Variants in FBN3 observed in about 807,000 individuals in gnomAD.
The protein encoded by FBN3 is fibrillin-3.
FBN3 carries 234 observed loss-of-function variants against 330.1 expected under a neutral mutation model. The ratio of observed to expected loss-of-function variants is 0.71; its 90% confidence interval spans 0.64 to 0.79. The LOEUF (loss-of-function observed/expected upper bound fraction) is 0.79. FBN3 is among the 30% of genes least tolerant of loss of function. The pLI is 0.00. For synonymous variants in FBN3, 1,458 were observed against 1,517.3 expected, an observed-to-expected ratio of 0.96 and a Z score of 0.91; for missense variants, 3,606 against 3,886.9, an observed-to-expected ratio of 0.93 and a Z score of 1.92.
rs981072324 is a variant in FBN3 at position 8,117,712 on chromosome 19, G to A, written c.3338-123C>T. 31 of 1,134,448 alleles carry A rather than the reference G, an allele frequency of 2.7e-5. No individual in the cohort carries two copies. The Middle Eastern group carries it at 6.5e-4, about 24-fold the overall frequency. 70.3% of individuals were successfully genotyped at this position (1,134,448 alleles called of 1,614,324 possible). A position where few individuals can be genotyped will look rare whatever the true frequency, so the allele number is the denominator to read the frequency against. ...ACACTGCCAGCATTGGCACAGCCCC[G>A]CATGTGCCTATCCGTACACTTGCAT... On this transcript the variant is annotated intron_variant, in intron 26 of 63. Transcript: ENST00000600128.
In FBN3 at chr19:8,096,846, C is replaced by T; in HGVS notation, c.5413+35G>A. On this transcript the variant is annotated intron_variant, in intron 43 of 63. Coordinates refer to ENST00000600128, the MANE Select transcript of FBN3 (RefSeq NM_032447.5). This position sits in a 1 kb window ranked among gnomAD's most constrained non-coding sequence, Gnocchi z 4.6. ...CTAAGTCCCCATGGGTGACAGAGCC[C>T]AGCTCCCTCACCTCCTCCCAGGGAC... 2 of 1,606,992 alleles carry T rather than the reference C, an allele frequency of 1.2e-6. No individual in the cohort carries two copies. The highest frequency in any genetic ancestry group is 1.7e-6 in the Non-Finnish European group (2 of 1,178,220).
chr19:8,126,123 G>T, intron 21 of FBN3, 106 bp from the exon 22 acceptor site: 1 of 1,519,522 alleles, frequency 6.6e-7, no homozygotes, highest in East Asian at 2.3e-5. Context: ...GAAGGGGACG[G>T]GGACACGGGG....
chr19:8,146,143 G>C lies in FBN3; in HGVS notation c.333C>G (p.Ser111Arg). ...CTCADGTLAPSCGVSRGSGCS... is the reference protein window; with the variant it reads ...CTCADGTLAPRCGVSRGSGCS... ...CCCGCTCACCTCGGCTCACCCCGCA[G>C]CTGGGAGCCAGCGTCCCATCCGCAC... Residue 111 changes from serine (S) to arginine (R), a missense_variant, in exon 4 of 64, where the codon AGC becomes AGG. Ser to Arg is a moderately radical substitution (Grantham distance 110). Transcript: ENST00000600128. 1 of 1,597,986 alleles carries C rather than the reference G, an allele frequency of 6.3e-7. No homozygotes were observed.
intron 33 of FBN3, 34 bp from the exon 34 acceptor site, chr19:8,111,001 G>A (rs2082567617): frequency 1.2e-6 from 2 of 1,614,022 alleles, no homozygotes; most frequent in African/African-American, 2.7e-5. Context: ...GCCCCACCCA[G>A]AGTCTGCAGG....
intron 13 of FBN3, among the ~76,000 whole-genome samples, chr19:8,133,445 A>G (rs544951473): frequency 3.3e-5 from 5 of 151,854 alleles, no homozygotes; most frequent in Non-Finnish European, 7.4e-5. Flanking sequence ...ATATTTTTTA[A>G]AAGACAACAA....
rs756551000 is a variant in FBN3, at chr19:8,073,269, G to A, written c.7731C>T (p.Pro2577=). 15 of 1,613,868 alleles carry A rather than the reference G, an allele frequency of 9.3e-6. No homozygotes were observed. In the South Asian group the frequency reaches 1.5e-4, roughly 17 times the overall value. The part of the protein sequence containing the change: ...VDENECALSP[P]TCGSASCRNT... ...TGCGACAGGAGGCGCTCCCGCAGGT[G>A]GGGGGCGACAGGGCACACTCATTCT... The change falls in exon 62 of 64, where the codon CCC becomes CCT. Residue 2577 remains proline (P), a synonymous_variant. Coordinates refer to ENST00000600128, the MANE Select transcript of FBN3 (RefSeq NM_032447.5).
In FBN3 at chr19:8,146,165, G is replaced by T. The variant is rs758566291; in HGVS notation, c.311C>A (p.Ala104Glu). ...FCSQPNLCTC[A>E]DGTLAPSCGV... ...GCAGCTGGGAGCCAGCGTCCCATCCGCACAGGTGCACAGGTTGGGCTGGGA... is the reference window on the plus strand; with the variant it reads ...GCAGCTGGGAGCCAGCGTCCCATCCTCACAGGTGCACAGGTTGGGCTGGGA... The change falls in exon 4 of 64, where the codon GCG (alanine) becomes GAG (glutamate). Residue 104 changes from alanine to glutamate, a missense_variant. Coordinates refer to ENST00000600128, the MANE Select transcript of FBN3 (RefSeq NM_032447.5). 9 of 1,602,416 alleles carry T rather than the reference G, an allele frequency of 5.6e-6. No individual in the cohort carries two copies. The highest frequency in any genetic ancestry group is 7.7e-6 in the Non-Finnish European group (9 of 1,175,888).
In FBN3 at chr19:8,110,845, CT is replaced by C; in HGVS notation, c.4332del (p.Asp1445ThrfsTer9). Reference sequence around the variant, plus strand: ...CCTTCCAGCCCAGATGACCTCACACCTGTGCAGTTGCCACCCCCTCGGTCCA... The same window carrying C: ...CCTTCCAGCCCAGATGACCTCACACCGTGCAGTTGCCACCCCCTCGGTCCA... ...YELDRGGGNCTDINECADPVN... is the reference protein window; with the variant it reads ...YELDRGGGNCXDINECADPVN... On this transcript the variant is annotated frameshift_variant and splice_region_variant, in exon 34 of 64. Coordinates refer to ENST00000600128, the MANE Select transcript of FBN3 (RefSeq NM_032447.5). LOFTEE classifies it high-confidence loss of function. 1 of 1,614,242 alleles carries C rather than the reference CT, an allele frequency of 6.2e-7. No individual in the cohort carries two copies. The highest frequency in any genetic ancestry group is 8.5e-7 in the Non-Finnish European group (1 of 1,180,038).
intron 54 of FBN3, 68 bp downstream of exon 54, chr19:8,087,009 C>T: frequency 6.5e-7 from 1 of 1,548,838 alleles, no homozygotes. Context: ...CCCGGTCCAA[C>T]CCTCTTGCTT....
chr19:8,098,716 A>G (rs1050806467), intron 41 of FBN3, among the ~76,000 whole-genome samples: 2 of 152,200 alleles, frequency 1.3e-5, no homozygotes, highest in African/African-American at 4.8e-5. Flanking sequence ...ATGTATTCAA[A>G]ACCACTAAAC....
intron 59 of FBN3, 54 bp downstream of exon 59, chr19:8,080,949 T>C (rs1265197701): frequency 7.0e-6 from 9 of 1,292,328 alleles, no homozygotes; most frequent in Non-Finnish European, 7.8e-6. Flanking sequence ...GTGAGCAAAA[T>C]AACTAATGCT....
At chr19:8,093,823 G>A (rs773945082) in intron 47 of FBN3, among the ~76,000 whole-genome samples, 9 of 152,176 alleles carry the variant, frequency 5.9e-5, no homozygotes, top group East Asian at 1.9e-4. Context: ...TAGATCAGAA[G>A]AGCCCAGGCC....
intron 56 of FBN3, 67 bp downstream of exon 56, chr19:8,085,296 C>T (rs913575398): frequency 7.3e-7 from 1 of 1,366,436 alleles, no homozygotes; most frequent in African/African-American, 1.5e-5. Flanking sequence ...GCAGTACAGA[C>T]ACATGACCCT....
chr19:8,075,139 T>A lies in FBN3; in HGVS notation c.7634A>T (p.Gln2545Leu). Residue 2545 changes from glutamine to leucine, a missense_variant, in exon 61 of 64, where the codon CAG (glutamine) becomes CTG (leucine). By Grantham distance (113) the Gln-to-Leu change is moderately radical (BLOSUM62 -2). Coordinates refer to ENST00000600128, the MANE Select transcript of FBN3 (RefSeq NM_032447.5). Reference protein sequence around the residue: ...PHRCQHGCQNQLGGYRCSCPQ... With the variant: ...PHRCQHGCQNLLGGYRCSCPQ... ...GCAGCTGCAGCGGTAGCCCCCTAGC[T>A]GGTTCTGACAGCCATGCTGGCAGCG... is the stretch of plus-strand genomic sequence containing the variant. 6.3e-7 allele frequency: 1 copy of A among 1,581,440 alleles called. No individual in the cohort carries two copies. Among genetic ancestry groups the A allele is most frequent in the Non-Finnish European group, 8.6e-7 (1 of 1,163,160 alleles).
intron 10 of FBN3, among the ~76,000 whole-genome samples, chr19:8,137,003 C>T (rs2083299467): frequency 6.6e-6 from 1 of 150,738 alleles, no homozygotes; most frequent in African/African-American, 2.4e-5. Context: ...CTGGATCCCT[C>T]CAACCTGAAG....
At position 8,131,243 on chromosome 19, in the gene FBN3, T is replaced by C. The variant is rs1434620788; in HGVS notation, c.2036A>G (p.Asp679Gly). Residue 679 changes from aspartate (D) to glycine (G), a missense_variant, in exon 16 of 64, where the codon GAT becomes GGT. Asp to Gly is a moderately conservative substitution (Grantham distance 94, BLOSUM62 -1). Transcript: ENST00000600128. The surrounding 1 kb of genome is among the most constrained non-coding windows in gnomAD (Gnocchi z 4.5). The part of the protein sequence containing the change: ...LCSSGLGITT[D>G]GRDINECALD... ...GGCTGGGCTCCACTTACCTCGACCA[T>C]CCGTGGTAATGCCAAGCCCACTGCT... is the stretch of plus-strand genomic sequence containing the variant. 1 of 1,610,020 alleles carries C rather than the reference T, an allele frequency of 6.2e-7. No individual in the cohort carries two copies. Among genetic ancestry groups the C allele is most frequent in the African/African-American group, 1.3e-5 (1 of 74,884 alleles).
intron 63 of FBN3, among the ~76,000 whole-genome samples, chr19:8,070,186 AAAGT>A (rs2081481510): frequency 6.6e-6 from 1 of 152,220 alleles, no homozygotes; most frequent in East Asian, 1.9e-4. Context: ...TCAGTAATAC[AAAGT>A]AATACACTCA....
At position 8,111,658 on chromosome 19, in the gene FBN3, G is replaced by T; in HGVS notation, c.4074C>A (p.Phe1358Leu). 7.0e-7 allele frequency: 1 copy of T among 1,430,498 alleles called. No individual in the cohort carries two copies. Among genetic ancestry groups the T allele is most frequent in the Non-Finnish European group, 9.6e-7 (1 of 1,046,892 alleles). 88.6% of individuals were successfully genotyped at this position (1,430,498 alleles called of 1,614,324 possible). A position where few individuals can be genotyped will look rare whatever the true frequency, so the allele number is the denominator to read the frequency against. ...CCCCTCTAATCTCACCTTCGCAGAAGAAGCCATCCCCGGCAAAGCCCTGGC... is the reference window on the plus strand; with the variant it reads ...CCCCTCTAATCTCACCTTCGCAGAATAAGCCATCCCCGGCAAAGCCCTGGC... ...TCRQGFAGDG[F>L]FCEDRDECAE... The change falls in exon 32 of 64, where the codon TTC becomes TTA. Residue 1358 changes from phenylalanine (F) to leucine (L), a missense_variant. Phe to Leu is a conservative substitution (Grantham distance 22, BLOSUM62 0). Coordinates refer to ENST00000600128, the MANE Select transcript of FBN3 (RefSeq NM_032447.5).
chr19:8,119,777 T>C (rs1186455471), intron 25 of FBN3, among the ~76,000 whole-genome samples: 1 of 149,482 alleles, frequency 6.7e-6, no homozygotes, highest in African/African-American at 2.5e-5. Flanking sequence ...GCCTCCCAAA[T>C]TGCCAGGATT....
Sources: gnomAD v4.1 joint callset for allele counts (sites outside exome capture counted in the v4.1 genomes callset) on GRCh38, gnomAD v4.1.1 for gene constraint, Gnocchi (gnomAD v3.1) non-coding constraint, MANE v1.5 for transcripts, NCBI Gene and HGNC (gene_info 2026-07-23, HGNC 2026-07-21) for gene names.